CHST15: variants seen among roughly 807,000 people sequenced by gnomAD.
The protein encoded by CHST15 is carbohydrate sulfotransferase 15, also known as B cell RAG associated protein (GALNAC4S-6ST).
A neutral mutation model predicts 53.6 loss-of-function variants in CHST15; 30 were observed. That is an observed-to-expected ratio of 0.56 (90% CI 0.42 to 0.76). The LOEUF (loss-of-function observed/expected upper bound fraction) is 0.76. Ranked by LOEUF, CHST15 falls within the 30% of genes least tolerant of loss-of-function variation. The pLI is 0.00. For synonymous variants in CHST15, 296 were observed against 289.8 expected (o/e 1.02, Z -0.22); for missense variants, 627 against 740.5 (o/e 0.85, Z 1.78).
intron 4 of CHST15, among the ~76,000 whole-genome samples, chr10:124,040,358 A>G (rs1258673923): frequency 6.6e-6 from 1 of 152,204 alleles, no homozygotes; most frequent in Non-Finnish European, 1.5e-5. Context: ...ACCTTAAGAC[A>G]TAAGGGGGAC....
rs138086729 is a variant in CHST15 at position 124,063,645 on chromosome 10, G to A, written c.-512-16921C>T. On this transcript the variant is annotated intron_variant, in intron 1 of 7. Transcript: ENST00000435907. ...TAAAAGTGTTGATGGGGCATGGCTC[G>A]AAAAAAAAAATCTCACTAAGTTTCA... Among the ~76,000 whole-genome samples the A allele has an allele frequency of 2.1e-3, 314 of 149,408 alleles. 1 individual carries two copies. The highest frequency in any genetic ancestry group is 6.7e-3 in the African/African-American group (272 of 40,718).
intron 1 of CHST15, among the ~76,000 whole-genome samples, chr10:124,055,456 T>C (rs1948344086): frequency 6.6e-6 from 1 of 152,114 alleles, no homozygotes; most frequent in African/African-American, 2.4e-5. Context: ...CACTCCAGGG[T>C]TACTTGCTTT....
chr10:124,009,021 TG>T lies in CHST15; in HGVS notation c.*1127del, dbSNP rs1448818051. The stretch of plus-strand genomic sequence containing the variant: ...CAAGTTCAGCTTGTGCATTGTGTTT[TG>T]GAATTGGGACACGAGTATCTATAGT... On this transcript the variant is annotated 3_prime_UTR_variant, in exon 8 of 8. Transcript: ENST00000435907. The T allele has an allele frequency of 7.8e-7, 1 of 1,289,194 alleles. No individual in the cohort carries two copies. Among genetic ancestry groups the T allele is most frequent in the African/African-American group, 1.5e-5 (1 of 65,990 alleles). 79.9% of individuals were successfully genotyped at this position (1,289,194 alleles called of 1,614,324 possible). A position where few individuals can be genotyped will look rare whatever the true frequency, so the allele number is the denominator to read the frequency against.
chr10:124,076,542 A>T (rs1442553665), intron 1 of CHST15, among the ~76,000 whole-genome samples: 1 of 152,164 alleles, frequency 6.6e-6, no homozygotes, highest in Non-Finnish European at 1.5e-5. Context: ...CGGGGAGTTC[A>T]CAATTCACAC....
intron 1 of CHST15, among the ~76,000 whole-genome samples, chr10:124,047,202 G>A (rs1268250458): frequency 6.6e-6 from 1 of 152,152 alleles, no homozygotes; most frequent in Non-Finnish European, 1.5e-5. Context: ...GAGAAAATGT[G>A]TTTTTTCCCT....
At chr10:124,038,752 C>T (rs1024280781) in intron 4 of CHST15, 81 bp from the exon 5 acceptor site, 21 of 1,468,324 alleles carry the variant, frequency 1.4e-5, no homozygotes, top group Non-Finnish European at 5.6e-6. Context: ...GAGGCCACAC[C>T]TGGCCCCGAT....
In CHST15 at chr10:124,019,785, T is replaced by C; in HGVS notation, c.1347+1471A>G. On this transcript the variant is annotated intron_variant, in intron 6 of 7. Coordinates refer to ENST00000435907, the MANE Select transcript of CHST15 (RefSeq NM_001270764.2). The surrounding 1 kb of genome is among the most constrained non-coding windows in gnomAD (Gnocchi z 4.6). The stretch of plus-strand genomic sequence containing the variant: ...GTCCCATCTCTCTCAGGGTGATGTC[T>C]AGACTTCTTCTGAGGCTAGACCAGG... 1.0e-6 allele frequency: 1 copy of C among 985,536 alleles called. No homozygotes were observed. Among genetic ancestry groups the C allele is most frequent in the Non-Finnish European group, 1.2e-6 (1 of 829,964 alleles). The allele number at this position is 985,536 out of a possible 1,614,324, so 61.0% of individuals were successfully genotyped here.
At chr10:124,079,939 T>C (rs2134206388) in intron 1 of CHST15, among the ~76,000 whole-genome samples, 1 of 152,284 alleles carries the variant, frequency 6.6e-6, no homozygotes, top group Non-Finnish European at 1.5e-5. Flanking sequence ...ACAGTCCTAT[T>C]TCGGTCTTGT....
In CHST15 at chr10:124,009,199, G is replaced by A; in HGVS notation, c.*950C>T. On this transcript the variant is annotated 3_prime_UTR_variant, in exon 8 of 8. Coordinates refer to ENST00000435907, the MANE Select transcript of CHST15 (RefSeq NM_001270764.2). ...CTGATGATCTTGTAAACCTGATGAG[G>A]GCTTGAATTACCTAGATTTTCCAAG... The A allele has an allele frequency of 8.7e-7, 1 of 1,144,184 alleles. No homozygotes were observed. Among genetic ancestry groups the A allele is most frequent in the Non-Finnish European group, 1.1e-6 (1 of 913,122 alleles). The allele number at this position is 1,144,184 out of a possible 1,614,324, so 70.9% of individuals were successfully genotyped here. A position where few individuals can be genotyped will look rare whatever the true frequency, so the allele number is the denominator to read the frequency against.
intron 1 of CHST15, among the ~76,000 whole-genome samples, chr10:124,058,652 T>A (rs1295082287): frequency 6.6e-6 from 1 of 152,132 alleles, no homozygotes; most frequent in African/African-American, 2.4e-5. Context: ...GTCTCCCTTG[T>A]AAGGAGGCGA....
intron 3 of CHST15, among the ~76,000 whole-genome samples, chr10:124,044,138 C>G (rs1010883977): frequency 2.8e-5 from 4 of 141,174 alleles, no homozygotes; most frequent in African/African-American, 1.1e-4. Flanking sequence ...AGCAGAGGAC[C>G]GGCACAGAGC....
At chr10:124,048,971 T>C (rs1407493351) in intron 1 of CHST15, among the ~76,000 whole-genome samples, 2 of 152,102 alleles carry the variant, frequency 1.3e-5, no homozygotes, top group Non-Finnish European at 2.9e-5. Context: ...ACAGAGCATG[T>C]CTGCGGGGCA....
chr10:124,055,561 C>T (rs1948348053), intron 1 of CHST15, among the ~76,000 whole-genome samples: 1 of 152,184 alleles, frequency 6.6e-6, no homozygotes, highest in Admixed American at 6.5e-5. Context: ...GGTGGCCACA[C>T]AGATGCAGGA....
intron 1 of CHST15, among the ~76,000 whole-genome samples, chr10:124,085,963 AAC>A (rs1311675837): frequency 1.3e-5 from 2 of 152,126 alleles, no homozygotes; most frequent in African/African-American, 4.8e-5. Context: ...TCTCGTTGCA[AAC>A]ACAGAACCAG....
chr10:124,045,654 C>A lies in CHST15; in HGVS notation c.546+13G>T. On this transcript the variant is annotated intron_variant, in intron 2 of 7. Transcript: ENST00000435907. ...ATCAACCAATCAGTCAAGATTAGCA[C>A]AAAGCTACTCACATGCAACTCCTGC... 1 of 1,560,174 alleles carries A rather than the reference C, an allele frequency of 6.4e-7. No individual in the cohort carries two copies. The highest frequency in any genetic ancestry group is 1.2e-5 in the South Asian group (1 of 81,066).
intron 1 of CHST15, among the ~76,000 whole-genome samples, chr10:124,061,861 G>A (rs895785179): frequency 3.9e-5 from 6 of 151,982 alleles, no homozygotes; most frequent in African/African-American, 1.4e-4. Flanking sequence ...TTGAAATGAG[G>A]CCATAGGACC....
chr10:124,034,983 CCCTGGCTCTACCCCCTAAT>C (rs1450009965), intron 5 of CHST15, among the ~76,000 whole-genome samples: 95 of 136,374 alleles, frequency 7.0e-4, no homozygotes, highest in Non-Finnish European at 1.2e-3. Context: ...CTAATAGGGA[CCCTGGCTCTACCCCCTAAT>C]AGGGACCCTG....
intron 5 of CHST15, among the ~76,000 whole-genome samples, chr10:124,025,699 G>C (rs770924101): frequency 6.6e-6 from 1 of 152,170 alleles, no homozygotes; most frequent in Non-Finnish European, 1.5e-5. Flanking sequence ...ATTAAGTGTA[G>C]GATCTTAAGA....
chr10:124,064,762 C>T (rs892520283), intron 1 of CHST15, among the ~76,000 whole-genome samples: 4 of 151,936 alleles, frequency 2.6e-5, no homozygotes, highest in Non-Finnish European at 5.9e-5. Context: ...TTCCCCAACA[C>T]CACTGGCCCT....
Sources: allele counts gnomAD v4.1 joint callset (sites outside exome capture counted in the v4.1 genomes callset), GRCh38; gene constraint gnomAD v4.1.1; non-coding constraint Gnocchi (gnomAD v3.1); transcripts MANE v1.5; gene names NCBI Gene and HGNC (gene_info 2026-07-23, HGNC 2026-07-21).